UBE2W: variants seen among roughly 807,000 people sequenced by gnomAD.
UBE2W encodes the protein ubiquitin conjugating enzyme E2 W, also known as ubiquitin-conjugating enzyme E2 W.
In UBE2W, 18 loss-of-function variants were observed where a neutral mutation model predicts 27.2. That is an observed-to-expected ratio of 0.66 (90% CI 0.46 to 0.98). The LOEUF (loss-of-function observed/expected upper bound fraction) is 0.98, where lower values mean the gene tolerates loss of function less well. Among genes scored for constraint, UBE2W ranks in the 50% least tolerant of loss-of-function variants. The pLI, the probability that UBE2W is intolerant of heterozygous loss-of-function variation, is 0.00. For synonymous variants in UBE2W, 53 were observed against 57.2 expected, an observed-to-expected ratio of 0.93 and a Z score of 0.33; for missense variants, 90 against 180.2, an observed-to-expected ratio of 0.50 and a Z score of 2.87.
chr8:73,874,413 C>T (rs1030030642), intron 1 of UBE2W, among the ~76,000 whole-genome samples: 2 of 152,140 alleles, frequency 1.3e-5, no homozygotes, highest in African/African-American at 4.8e-5. Context: ...GCCTGGGCGA[C>T]AGCGAGACTC....
intron 3 of UBE2W, among the ~76,000 whole-genome samples, chr8:73,819,760 T>C (rs968122818): frequency 1.3e-5 from 2 of 152,174 alleles, no homozygotes; most frequent in Non-Finnish European, 2.9e-5. Context: ...ACTTTTTCAT[T>C]ATAAGGCAGG....
Position 73,832,574 on chromosome 8 carries a change from C to T in UBE2W, c.16-2102G>A, listed in dbSNP as rs141482073. On this transcript the variant is annotated intron_variant, in intron 1 of 5. Coordinates refer to ENST00000602593, the MANE Select transcript of UBE2W (RefSeq NM_018299.6). ...CACTGATGCTGTAAAGCAGTTATGA[C>T]GAATAGGCAGTTACCTATACAACAT... Among the ~76,000 whole-genome samples the T allele has an allele frequency of 1.7e-4, 26 of 152,268 alleles. No individual in the cohort carries two copies. The East Asian group carries it at 4.8e-3, about 28-fold the overall frequency.
At position 73,876,372 on chromosome 8, in the gene UBE2W, G is replaced by A. The variant is rs760509921; in HGVS notation, c.15+2436C>T. Among the ~76,000 whole-genome samples the A allele has an allele frequency of 1.6e-4, 25 of 152,106 alleles. 1 individual carries two copies. Among genetic ancestry groups the A allele is most frequent in the Non-Finnish European group, 2.8e-4 (19 of 68,026 alleles). ...AAGATACAGAATAACCACACAGAAAGTAGGGTTGTCTTTCAAAAAGCTTGA... is the reference window on the plus strand; with the variant it reads ...AAGATACAGAATAACCACACAGAAAATAGGGTTGTCTTTCAAAAAGCTTGA... On this transcript the variant is annotated intron_variant, in intron 1 of 5. Transcript: ENST00000602593.
intron 1 of UBE2W, among the ~76,000 whole-genome samples, chr8:73,850,547 G>A (rs937014648): frequency 6.6e-6 from 1 of 151,788 alleles, no homozygotes; most frequent in African/African-American, 2.4e-5. Context: ...GATTAATCTT[G>A]AAATGATAAA....
At chr8:73,813,717 A>G (rs1045294616) in intron 3 of UBE2W, among the ~76,000 whole-genome samples, 6 of 151,898 alleles carry the variant, frequency 4.0e-5, no homozygotes, top group South Asian at 4.1e-4. Context: ...GTTCATTCAC[A>G]TAAGGGGCAA....
At position 73,787,771 on chromosome 8, in the gene UBE2W, T is replaced by TA. The variant is rs1016390131; in HGVS notation, c.*6330dup. ...ACTCCAGAAAGCATCCAGAAGTTCT[T>TA]AGAGTATGCCCTTAATTGTACAACT... is the stretch of plus-strand genomic sequence containing the variant. On this transcript the variant is annotated 3_prime_UTR_variant, in exon 6 of 6. Transcript: ENST00000602593. 3 of 985,336 alleles carry TA rather than the reference T, an allele frequency of 3.0e-6. No homozygotes were observed. The highest frequency in any genetic ancestry group is 6.2e-5 in the Admixed American group (1 of 16,260). 61.0% of individuals were successfully genotyped at this position (985,336 alleles called of 1,614,324 possible). A position where few individuals can be genotyped will look rare whatever the true frequency, so the allele number is the denominator to read the frequency against.
At position 73,793,942 on chromosome 8, in the gene UBE2W, T is replaced by C. The variant is rs1808305662; in HGVS notation, c.*160A>G. 9.6e-6 allele frequency: 14 copies of C among 1,455,238 alleles called. No homozygotes were observed. The highest frequency in any genetic ancestry group is 5.0e-5 in the East Asian group (2 of 39,698). The allele number at this position is 1,455,238 out of a possible 1,614,324, so 90.1% of individuals were successfully genotyped here. On this transcript the variant is annotated 3_prime_UTR_variant, in exon 6 of 6. Transcript: ENST00000602593. The stretch of plus-strand genomic sequence containing the variant: ...GCCTGGACTGAACCAGCGATCAACA[T>C]GCGCCCAGAATGCACACGAGTAAAA...
At chr8:73,798,160 G>A (rs961726504) in intron 5 of UBE2W, among the ~76,000 whole-genome samples, 6 of 152,096 alleles carry the variant, frequency 3.9e-5, no homozygotes, top group African/African-American at 1.4e-4. Context: ...GCTAGGCATG[G>A]TGGTACGTTG....
In UBE2W at chr8:73,793,308, C is replaced by T; in HGVS notation, c.*794G>A. 1 of 985,816 alleles carries T rather than the reference C, an allele frequency of 1.0e-6. No individual in the cohort carries two copies. The highest frequency in any genetic ancestry group is 1.2e-6 in the Non-Finnish European group (1 of 829,902). The allele number at this position is 985,816 out of a possible 1,614,324, so 61.1% of individuals were successfully genotyped here. On this transcript the variant is annotated 3_prime_UTR_variant, in exon 6 of 6. Transcript: ENST00000602593. ...CAATTTAATCATCACTGCCATTTTT[C>T]TTACTTCCAAAATAAAGCCTTGATT...
intron 3 of UBE2W, among the ~76,000 whole-genome samples, chr8:73,815,288 T>C (rs879885229): frequency 5.9e-5 from 9 of 152,210 alleles, no homozygotes; most frequent in South Asian, 4.2e-4. Context: ...GGTGAGAGGA[T>C]TGTTTGAGCC....
rs1000704633 is a variant in UBE2W at position 73,791,189 on chromosome 8, T to C, written c.*2913A>G. ...AATTCCTTAAGAGAACCATAAAATG[T>C]ATTTTTAAAAAATTCTCTTAAAAAC... On this transcript the variant is annotated 3_prime_UTR_variant, in exon 6 of 6. Transcript: ENST00000602593. 2 of 983,438 alleles carry C rather than the reference T, an allele frequency of 2.0e-6. No individual in the cohort carries two copies. Among genetic ancestry groups the C allele is most frequent in the African/African-American group, 1.8e-5 (1 of 57,028 alleles). The allele number at this position is 983,438 out of a possible 1,614,324, so 60.9% of individuals were successfully genotyped here. A position where few individuals can be genotyped will look rare whatever the true frequency, so the allele number is the denominator to read the frequency against.
intron 1 of UBE2W, among the ~76,000 whole-genome samples, chr8:73,863,573 T>C (rs1429826146): frequency 1.6e-5 from 2 of 124,950 alleles, no homozygotes; most frequent in African/African-American, 6.8e-5. Flanking sequence ...AAACTTAAAG[T>C]ATAATAAAAA....
intron 1 of UBE2W, among the ~76,000 whole-genome samples, chr8:73,835,974 C>A (rs1294672009): frequency 6.6e-6 from 1 of 152,190 alleles, no homozygotes; most frequent in Non-Finnish European, 1.5e-5. Context: ...ACCTTACCTG[C>A]AAACTCAAGA....
intron 5 of UBE2W, chr8:73,795,753 A>G: frequency 1.0e-6 from 1 of 979,542 alleles, no homozygotes. Context: ...AGTATCTTTA[A>G]GAAAACAAGT....
intron 1 of UBE2W, among the ~76,000 whole-genome samples, chr8:73,851,845 A>AAATACAGGC: frequency 1.0e-5 from 1 of 96,562 alleles, no homozygotes. Context: ...CAATGACAGG[A>AAATACAGGC]AGAAGCTAGG....
intron 1 of UBE2W, among the ~76,000 whole-genome samples, chr8:73,873,965 A>C (rs1812112395): frequency 6.6e-6 from 1 of 152,220 alleles, no homozygotes; most frequent in Non-Finnish European, 1.5e-5. Context: ...GTTTTATCTA[A>C]AATTAACAAT....
intron 5 of UBE2W, among the ~76,000 whole-genome samples, chr8:73,797,260 A>G (rs1808460407): frequency 6.6e-6 from 1 of 152,216 alleles, no homozygotes; most frequent in African/African-American, 2.4e-5. Context: ...ATGGAAACCC[A>G]TCTCCTTGGA....
chr8:73,825,114 T>C (rs1249706031), intron 3 of UBE2W, 33 bp downstream of exon 3: 12 of 1,413,014 alleles, frequency 8.5e-6, no homozygotes, highest in Non-Finnish European at 8.7e-6. Flanking sequence ...TATCTAAAAA[T>C]ACAAAAAAAA....
chr8:73,860,708 T>C (rs1447370881), intron 1 of UBE2W, among the ~76,000 whole-genome samples: 1 of 152,116 alleles, frequency 6.6e-6, no homozygotes, highest in African/African-American at 2.4e-5. Context: ...AAATTTGAAT[T>C]CAGGAAGAAA....
Sources: gnomAD v4.1 joint callset for allele counts (sites outside exome capture counted in the v4.1 genomes callset) on GRCh38, gnomAD v4.1.1 for gene constraint, MANE v1.5 for transcripts, NCBI Gene and HGNC (gene_info 2026-07-23, HGNC 2026-07-21) for gene names.